The following EHD4 variants were observed in gnomAD, a reference collection of about 807,000 sequenced individuals.
EHD4 encodes the protein EH domain-containing protein 4.
EHD4 carries 37 observed loss-of-function variants against 51.0 expected under a neutral mutation model. That is an observed-to-expected ratio of 0.73 (90% CI 0.56 to 0.95). EHD4 has a LOEUF of 0.95. Ranked by LOEUF, EHD4 falls within the 40% of genes least tolerant of loss-of-function variation. The pLI, the probability that EHD4 is intolerant of heterozygous loss-of-function variation, is 0.00. For missense variants in EHD4, 632 were observed against 733.1 expected, an observed-to-expected ratio of 0.86 and a Z score of 1.59; for synonymous variants, 297 against 317.3, an observed-to-expected ratio of 0.94 and a Z score of 0.68.
chr15:41,945,369 T>G (rs1233889966), intron 2 of EHD4, among the ~76,000 whole-genome samples: 2 of 152,162 alleles, frequency 1.3e-5, no homozygotes, highest in South Asian at 4.1e-4. Flanking sequence ...CCAGGCCTCC[T>G]GACATGACAG....
chr15:41,926,322 C>T (rs1047095330), intron 3 of EHD4, among the ~76,000 whole-genome samples: 3 of 152,144 alleles, frequency 2.0e-5, no homozygotes, highest in African/African-American at 7.2e-5. Context: ...GCCACTTGCC[C>T]GTGGTGGTGA....
intron 4 of EHD4, among the ~76,000 whole-genome samples, chr15:41,918,574 C>T (rs1400570135): frequency 6.6e-6 from 1 of 152,250 alleles, no homozygotes; most frequent in Non-Finnish European, 1.5e-5. Flanking sequence ...ATTGGGCACA[C>T]ACTCCTGGGG....
chr15:41,908,349 C>A (rs370089910), intron 5 of EHD4: 29 of 152,236 alleles, frequency 1.9e-4, no homozygotes, highest in South Asian at 1.9e-3. Context: ...ATCAAAGTTC[C>A]CCTCTCATCA....
intron 3 of EHD4, among the ~76,000 whole-genome samples, chr15:41,925,328 G>A (rs981075315): frequency 2.0e-5 from 3 of 152,172 alleles, no homozygotes; most frequent in Admixed American, 6.5e-5. Flanking sequence ...AGAACCACTC[G>A]AAGCGGCTAA....
At chr15:41,939,917 G>T (rs1242471487) in intron 3 of EHD4, among the ~76,000 whole-genome samples, 1 of 152,086 alleles carries the variant, frequency 6.6e-6, no homozygotes, top group African/African-American at 2.4e-5. Context: ...TGCCCTCATG[G>T]GTTTCATTTA....
rs1595526399 is a variant in EHD4, at chr15:41,896,371, T to G, written c.*4274A>C. The G allele has an allele frequency of 6.6e-6, 1 of 152,200 alleles. No individual in the cohort carries two copies. Among genetic ancestry groups the G allele is most frequent in the Non-Finnish European group, 1.5e-5 (1 of 68,042 alleles). The allele number at this position is 152,200 out of a possible 1,614,324, so 9.4% of individuals were successfully genotyped here. On this transcript the variant is annotated 3_prime_UTR_variant, in exon 6 of 6. Transcript: ENST00000220325. ...CATCAATAGGCTCATTTCTATATAC[T>G]GCAAGGTTCAGAGAAGACAGAGTAT...
At chr15:41,952,484 C>A (rs1376651188) in intron 2 of EHD4, among the ~76,000 whole-genome samples, 1 of 151,920 alleles carries the variant, frequency 6.6e-6, no homozygotes, top group African/African-American at 2.4e-5. Context: ...CAAGGGGTAG[C>A]AAATAGGAGG....
chr15:41,926,887 C>T (rs1294226676), intron 3 of EHD4, among the ~76,000 whole-genome samples: 3 of 152,208 alleles, frequency 2.0e-5, no homozygotes, highest in African/African-American at 4.8e-5. Context: ...TACAGCCACT[C>T]ATCCCTCTGG....
chr15:41,922,767 A>G (rs2067635527), intron 3 of EHD4, among the ~76,000 whole-genome samples: 1 of 151,706 alleles, frequency 6.6e-6, no homozygotes, highest in Non-Finnish European at 1.5e-5. Flanking sequence ...TAAGTTTACT[A>G]TAAGTGACGC....
At position 41,918,236 on chromosome 15, in the gene EHD4, A is replaced by G. The variant is rs2067598692; in HGVS notation, c.924+974T>C. Among the ~76,000 whole-genome samples the G allele has an allele frequency of 2.0e-5, 3 of 151,216 alleles. No individual in the cohort carries two copies. The South Asian group carries it at 6.3e-4, about 32-fold the overall frequency. ...GAGCTTTACACACACACACACACACACACACACGCGCATGTTTACACACAT... is the reference window on the plus strand; with the variant it reads ...GAGCTTTACACACACACACACACACGCACACACGCGCATGTTTACACACAT... On this transcript the variant is annotated intron_variant, in intron 4 of 5. Transcript: ENST00000220325.
chr15:41,920,938 G>A (rs1472526844), intron 3 of EHD4, among the ~76,000 whole-genome samples: 3 of 152,212 alleles, frequency 2.0e-5, no homozygotes, highest in Admixed American at 6.5e-5. Context: ...TTGGCTGTGG[G>A]GGTGGAGAAG....
At chr15:41,972,153 G>A in intron 1 of EHD4, 106 bp downstream of exon 1, 6 of 1,178,716 alleles carry the variant, frequency 5.1e-6, no homozygotes, top group Non-Finnish European at 6.4e-6. Context: ...AGGGGTCCCC[G>A]AGGTCGCGCC....
chr15:41,933,118 G>C (rs534596580), intron 3 of EHD4, among the ~76,000 whole-genome samples: 13 of 152,128 alleles, frequency 8.5e-5, no homozygotes, highest in Non-Finnish European at 1.9e-4. Flanking sequence ...CCTCCTCCAG[G>C]GCCCACAGGA....
At chr15:41,931,533 A>G (rs2067698162) in intron 3 of EHD4, among the ~76,000 whole-genome samples, 1 of 152,212 alleles carries the variant, frequency 6.6e-6, no homozygotes, top group South Asian at 2.1e-4. Context: ...AATAAAACAT[A>G]AAATAAAGTA....
chr15:41,922,536 C>T (rs377419938), intron 3 of EHD4, among the ~76,000 whole-genome samples: 2 of 152,134 alleles, frequency 1.3e-5, no homozygotes, highest in Non-Finnish European at 2.9e-5. Context: ...TAGCTGCGCT[C>T]GCGCCAACCC....
chr15:41,911,813 G>A (rs1298722466), intron 4 of EHD4, among the ~76,000 whole-genome samples: 1 of 152,072 alleles, frequency 6.6e-6, no homozygotes, highest in Non-Finnish European at 1.5e-5. Context: ...AGCTGCCTAG[G>A]CCTCTGTAGG....
intron 3 of EHD4, among the ~76,000 whole-genome samples, chr15:41,931,068 C>G (rs2067695177): frequency 6.6e-6 from 1 of 152,204 alleles, no homozygotes; most frequent in Non-Finnish European, 1.5e-5. Context: ...AAGACCGCCG[C>G]TCCTTTTGAT....
In EHD4 at chr15:41,916,934, T is replaced by C. The variant is rs536629170; in HGVS notation, c.924+2276A>G. On this transcript the variant is annotated intron_variant, in intron 4 of 5. Transcript: ENST00000220325. ...GTTTGACCGTCCCCCACTCCCTGCATCCACACAAGGGTTTTCATTATTCAC... is the reference window on the plus strand; with the variant it reads ...GTTTGACCGTCCCCCACTCCCTGCACCCACACAAGGGTTTTCATTATTCAC... Among the ~76,000 whole-genome samples, 8 of 152,290 alleles carry C rather than the reference T, an allele frequency of 5.3e-5. No homozygotes were observed. In the South Asian group the frequency reaches 1.2e-3, roughly 24 times the overall value.
intron 4 of EHD4, among the ~76,000 whole-genome samples, chr15:41,914,498 A>C (rs1420105047): frequency 1.3e-5 from 2 of 152,174 alleles, no homozygotes; most frequent in East Asian, 3.8e-4. Context: ...CTCAGATCAA[A>C]ACTGGCACCA....
Sources: gnomAD v4.1 joint callset for allele counts (sites outside exome capture counted in the v4.1 genomes callset) on GRCh38, gnomAD v4.1.1 for gene constraint, MANE v1.5 for transcripts, NCBI Gene and HGNC (gene_info 2026-07-23, HGNC 2026-07-21) for gene names.